Variants in PPM1L observed in about 807,000 individuals in gnomAD.
PPM1L encodes the protein protein phosphatase 1L.
PPM1L carries 13 observed loss-of-function variants against 31.4 expected under a neutral mutation model. The ratio of observed to expected loss-of-function variants is 0.41; its 90% CI spans 0.27 to 0.66. The LOEUF (loss-of-function observed/expected upper bound fraction) is 0.66. Among genes scored for constraint, PPM1L ranks in the 30% least tolerant of loss-of-function variants. The probability of loss-of-function intolerance (pLI) is 0.29; values close to 1 mark genes in which losing one functional copy is unlikely to be tolerated. For synonymous variants in PPM1L, 184 were observed against 175.4 expected, an observed-to-expected ratio of 1.05 and a Z score of -0.39; for missense variants, 326 against 453.7, an observed-to-expected ratio of 0.72 and a Z score of 2.56.
intron 2 of PPM1L, among the ~76,000 whole-genome samples, chr3:160,970,876 G>GC (rs1170942046): frequency 2.5e-4 from 36 of 143,756 alleles, no homozygotes; most frequent in Middle Eastern, 3.8e-3. Context: ...TGCAGGCTCC[G>GC]CCCCCTGGGG....
At chr3:160,960,063 T>C (rs1310552631) in intron 1 of PPM1L, among the ~76,000 whole-genome samples, 1 of 152,090 alleles carries the variant, frequency 6.6e-6, no homozygotes, top group South Asian at 2.1e-4. Flanking sequence ...TCAGTACATA[T>C]AGTCCTATCT....
At chr3:160,825,751 A>G (rs979805318) in intron 1 of PPM1L, among the ~76,000 whole-genome samples, 1 of 152,148 alleles carries the variant, frequency 6.6e-6, no homozygotes, top group African/African-American at 2.4e-5. Flanking sequence ...AGCCAGTGGT[A>G]TTTGTAGTAA....
chr3:160,869,077 T>G (rs1476594550), intron 1 of PPM1L, among the ~76,000 whole-genome samples: 1 of 152,212 alleles, frequency 6.6e-6, no homozygotes, highest in Non-Finnish European at 1.5e-5. Flanking sequence ...GCTCTGAGAA[T>G]TTGTTTAATT....
intron 2 of PPM1L, among the ~76,000 whole-genome samples, chr3:161,051,988 T>C (rs1719293987): frequency 1.3e-5 from 2 of 152,202 alleles, no homozygotes; most frequent in Admixed American, 6.5e-5. Context: ...GATGGTGTTA[T>C]TGACCTGGCA....
chr3:160,856,365 T>G (rs1274499575), intron 1 of PPM1L, among the ~76,000 whole-genome samples: 1 of 152,204 alleles, frequency 6.6e-6, no homozygotes, highest in Non-Finnish European at 1.5e-5. Context: ...CATATGTTAA[T>G]CACAGCACTA....
intron 1 of PPM1L, among the ~76,000 whole-genome samples, chr3:160,854,772 G>A (rs1188205187): frequency 6.6e-6 from 1 of 151,622 alleles, no homozygotes; most frequent in East Asian, 1.9e-4. Context: ...TTGTTAAAAT[G>A]GCCATATTGC....
At chr3:160,805,673 G>A (rs558781215) in intron 1 of PPM1L, among the ~76,000 whole-genome samples, 1 of 152,168 alleles carries the variant, frequency 6.6e-6, no homozygotes, top group Admixed American at 6.5e-5. Flanking sequence ...AGTGAGCCGA[G>A]ATCATGCCGT....
In PPM1L at chr3:160,910,287, C is replaced by A. The variant is rs1259147414; in HGVS notation, c.400-51449C>A. On this transcript the variant is annotated intron_variant, in intron 1 of 3. Coordinates refer to ENST00000498165, the MANE Select transcript of PPM1L (RefSeq NM_139245.4). The stretch of plus-strand genomic sequence containing the variant: ...CCCCTTCCCCTTCCCCTTCCCTTTC[C>A]CCTTCCCCGTTCCCTTCCCCTTCCC... Among the ~76,000 whole-genome samples, 65 of 135,410 alleles carry A rather than the reference C, an allele frequency of 4.8e-4. 1 individual carries two copies. Among genetic ancestry groups the A allele is most frequent in the Non-Finnish European group, 8.4e-4 (53 of 62,994 alleles). The allele number at this position is 135,410 out of a possible 152,430, so 88.8% of individuals were successfully genotyped here.
intron 1 of PPM1L, among the ~76,000 whole-genome samples, chr3:160,822,911 G>A (rs550613061): frequency 4.0e-5 from 6 of 151,856 alleles, no homozygotes; most frequent in Non-Finnish European, 7.4e-5. Context: ...CTAGTTAAAC[G>A]ACCATCTGTA....
At chr3:160,798,995 G>A (rs982294756) in intron 1 of PPM1L, among the ~76,000 whole-genome samples, 1 of 152,172 alleles carries the variant, frequency 6.6e-6, no homozygotes, top group African/African-American at 2.4e-5. Flanking sequence ...AATAGCAAGA[G>A]AATTAGAATT....
intron 1 of PPM1L, among the ~76,000 whole-genome samples, chr3:160,944,834 A>ATATTG (rs1230484647): frequency 4.2e-5 from 2 of 48,042 alleles, no homozygotes; most frequent in Non-Finnish European, 1.0e-4. Context: ...TATATAACAT[A>ATATTG]TATATGTTAT....
At chr3:161,019,488 A>G (rs759495972) in intron 2 of PPM1L, among the ~76,000 whole-genome samples, 92 of 152,192 alleles carry the variant, frequency 6.0e-4, no homozygotes, top group Non-Finnish European at 1.0e-3. Context: ...ATGAGTCAAC[A>G]TGTCTGGCCA....
At chr3:160,902,202 G>A (rs571468339) in intron 1 of PPM1L, among the ~76,000 whole-genome samples, 9 of 152,150 alleles carry the variant, frequency 5.9e-5, no homozygotes, top group Non-Finnish European at 1.0e-4. Context: ...TGATTACAAT[G>A]CCCACTTCTA....
chr3:161,042,134 C>T (rs1718930782), intron 2 of PPM1L, among the ~76,000 whole-genome samples: 1 of 152,176 alleles, frequency 6.6e-6, no homozygotes, highest in African/African-American at 2.4e-5. Flanking sequence ...CTCCTTGTAT[C>T]ACGGCAGGCT....
intron 2 of PPM1L, among the ~76,000 whole-genome samples, chr3:160,971,999 C>G (rs920251659): frequency 1.3e-5 from 2 of 152,098 alleles, no homozygotes; most frequent in African/African-American, 4.8e-5. Context: ...AACTCCTGGC[C>G]TCAAGTGATC....
At chr3:160,862,660 A>G (rs1576676449) in intron 1 of PPM1L, among the ~76,000 whole-genome samples, 1 of 112,352 alleles carries the variant, frequency 8.9e-6, no homozygotes, top group African/African-American at 3.7e-5. Flanking sequence ...TCCTAGGCAC[A>G]CGCACACACA....
At chr3:160,806,883 GAAGA>G (rs1030017555) in intron 1 of PPM1L, among the ~76,000 whole-genome samples, 9 of 148,386 alleles carry the variant, frequency 6.1e-5, no homozygotes, top group African/African-American at 1.8e-4. Context: ...AGGGAGGAAG[GAAGA>G]AAGAAAGAGA....
At chr3:161,057,543 G>A (rs1324493154) in intron 2 of PPM1L, among the ~76,000 whole-genome samples, 3 of 152,110 alleles carry the variant, frequency 2.0e-5, no homozygotes, top group African/African-American at 4.8e-5. Flanking sequence ...CGGGAGCACA[G>A]GGTCACCAAC....
At position 160,999,929 on chromosome 3, in the gene PPM1L, G is replaced by A. The variant is rs143435627; in HGVS notation, c.574+38019G>A. On this transcript the variant is annotated intron_variant, in intron 2 of 3. Coordinates refer to ENST00000498165, the MANE Select transcript of PPM1L (RefSeq NM_139245.4). ...CAACGCTTAATGTGGCGGTTATTACGGCTGAAAATCTTGGATATTTTTATT... is the reference window on the plus strand; with the variant it reads ...CAACGCTTAATGTGGCGGTTATTACAGCTGAAAATCTTGGATATTTTTATT... Among the ~76,000 whole-genome samples, 340 of 152,224 alleles carry A rather than the reference G, an allele frequency of 2.2e-3. 2 individuals are homozygous for A. Among genetic ancestry groups the A allele is most frequent in the African/African-American group, 7.6e-3 (315 of 41,526 alleles).
Sources: gnomAD v4.1 joint callset for allele counts (sites outside exome capture counted in the v4.1 genomes callset) on GRCh38, gnomAD v4.1.1 for gene constraint, MANE v1.5 for transcripts, NCBI Gene and HGNC (gene_info 2026-07-23, HGNC 2026-07-21) for gene names.